The following AKT3 variants were observed in gnomAD, a reference collection of about 807,000 sequenced individuals.
AKT3 encodes the protein AKT serine/threonine kinase 3, also known as RAC-gamma serine/threonine-protein kinase.
In AKT3, 15 loss-of-function variants were observed where a neutral mutation model predicts 65.3. That is an observed-to-expected ratio of 0.23 (90% confidence interval 0.15 to 0.35). AKT3 has a LOEUF of 0.35. Among genes scored for constraint, AKT3 ranks in the 10% least tolerant of loss-of-function variants. The pLI, the probability that AKT3 is intolerant of heterozygous loss-of-function variation, is 1.00. For synonymous variants in AKT3, 206 were observed against 183.8 expected (o/e 1.12, Z -0.98); for missense variants, 243 against 576.5 (o/e 0.42, Z 5.92).
intron 4 of AKT3, among the ~76,000 whole-genome samples, chr1:243,652,137 C>T (rs1462635359): frequency 6.6e-6 from 1 of 151,332 alleles, no homozygotes; most frequent in Non-Finnish European, 1.5e-5. Context: ...CAACCTCTGC[C>T]TCCTGGGTTC....
intron 2 of AKT3, among the ~76,000 whole-genome samples, chr1:243,747,254 C>T (rs1041505461): frequency 6.6e-6 from 1 of 151,946 alleles, no homozygotes; most frequent in Non-Finnish European, 1.5e-5. Flanking sequence ...CGTAAAACTG[C>T]AAAGAAATGA....
At chr1:243,723,712 C>T (rs1156397232) in intron 2 of AKT3, among the ~76,000 whole-genome samples, 1 of 151,984 alleles carries the variant, frequency 6.6e-6, no homozygotes, top group Non-Finnish European at 1.5e-5. Flanking sequence ...GGCTTGAGGA[C>T]ATCATATGAG....
chr1:243,815,074 T>C (rs1693420229), intron 2 of AKT3, among the ~76,000 whole-genome samples: 1 of 152,208 alleles, frequency 6.6e-6, no homozygotes, highest in Non-Finnish European at 1.5e-5. Context: ...CCCATGAGGG[T>C]CCTAGATTGG....
chr1:243,611,790 T>C (rs935033635), intron 8 of AKT3, among the ~76,000 whole-genome samples: 7 of 152,210 alleles, frequency 4.6e-5, no homozygotes, highest in African/African-American at 1.7e-4. Context: ...TGGGTTATTA[T>C]TATTTAATTA....
rs369390195 is a variant in AKT3, at chr1:243,661,463, C to T, written c.284+3309G>A. On this transcript the variant is annotated intron_variant, in intron 4 of 13. Transcript: ENST00000673466. Reference sequence around the variant, plus strand: ...AAAACAAGCAATGGGGAAAGGATTCCCTATTTAATAAATGGTGCTGGGAAA... The same window carrying T: ...AAAACAAGCAATGGGGAAAGGATTCTCTATTTAATAAATGGTGCTGGGAAA... 4.6e-4 allele frequency among the ~76,000 whole-genome samples: 70 copies of T among 151,500 alleles called. No individual in the cohort carries two copies. In the East Asian group the frequency reaches 8.4e-3, roughly 18 times the overall value.
chr1:243,845,202 G>C (rs1279936575), intron 1 of AKT3, among the ~76,000 whole-genome samples: 1 of 151,750 alleles, frequency 6.6e-6, no homozygotes. Context: ...TGACTAAATA[G>C]CCTGACAAAA....
chr1:243,624,308 G>C (rs1678989492), intron 6 of AKT3, among the ~76,000 whole-genome samples: 2 of 152,130 alleles, frequency 1.3e-5, no homozygotes, highest in Admixed American at 1.3e-4. Context: ...TAGATCACTG[G>C]ATACATAAAG....
At chr1:243,811,864 A>G (rs1184773144) in intron 2 of AKT3, among the ~76,000 whole-genome samples, 3 of 152,160 alleles carry the variant, frequency 2.0e-5, no homozygotes, top group South Asian at 4.1e-4. Flanking sequence ...CAGAAATAAT[A>G]CCACACGTCT....
chr1:243,575,072 A>G (rs2148512116), intron 8 of AKT3, among the ~76,000 whole-genome samples: 1 of 152,174 alleles, frequency 6.6e-6, no homozygotes, highest in East Asian at 1.9e-4. Context: ...GTGTACCCTT[A>G]CTACTTTATG....
intron 8 of AKT3, among the ~76,000 whole-genome samples, chr1:243,604,864 T>A (rs1488402773): frequency 6.6e-6 from 1 of 152,228 alleles, no homozygotes; most frequent in African/African-American, 2.4e-5. Flanking sequence ...TGAATGATAA[T>A]GTACTAGATT....
At chr1:243,608,724 A>G (rs1342836597) in intron 8 of AKT3, among the ~76,000 whole-genome samples, 1 of 144,796 alleles carries the variant, frequency 6.9e-6, no homozygotes, top group Non-Finnish European at 1.5e-5. Flanking sequence ...TACTTTTTCT[A>G]CAGTAATTAA....
chr1:243,689,296 T>C (rs1394893534), intron 3 of AKT3, among the ~76,000 whole-genome samples: 2 of 152,116 alleles, frequency 1.3e-5, no homozygotes, highest in Non-Finnish European at 2.9e-5. Context: ...AGTATATATT[T>C]ACATAGTCTG....
downstream of AKT3, among the ~76,000 whole-genome samples, chr1:243,497,901 C>T (rs905828714): frequency 1.2e-4 from 19 of 152,130 alleles, no homozygotes; most frequent in Non-Finnish European, 2.2e-4. Context: ...AGGCTGGTCT[C>T]GAACTCCTGG....
chr1:243,718,582 C>T (rs1424736273), intron 2 of AKT3, among the ~76,000 whole-genome samples: 2 of 151,928 alleles, frequency 1.3e-5, no homozygotes, highest in African/African-American at 2.4e-5. Context: ...CCCGAGGCTG[C>T]TACCCTTACA....
chr1:243,709,679 T>C (rs1194712577), intron 2 of AKT3, among the ~76,000 whole-genome samples: 3 of 152,028 alleles, frequency 2.0e-5, no homozygotes, highest in Non-Finnish European at 4.4e-5. Flanking sequence ...CAGTTGAACA[T>C]ACTACAAATT....
chr1:243,843,465 G>A, intron 1 of AKT3, 183 bp from the exon 2 acceptor site: 1 of 1,082,190 alleles, frequency 9.2e-7, no homozygotes, highest in Non-Finnish European at 1.1e-6. Flanking sequence ...CTAGTCTTGT[G>A]ACCAATTTCA....
chr1:243,738,482 T>G (rs1437688994), intron 2 of AKT3, among the ~76,000 whole-genome samples: 1 of 152,154 alleles, frequency 6.6e-6, no homozygotes, highest in Non-Finnish European at 1.5e-5. Flanking sequence ...TTTAGGGAGG[T>G]GTCTAGTAAA....
Position 243,550,908 on chromosome 1 carries a change from G to A in AKT3, c.1163+1821C>T, listed in dbSNP as rs551091657. On this transcript the variant is annotated intron_variant, in intron 11 of 13. Coordinates refer to ENST00000673466, the MANE Select transcript of AKT3 (RefSeq NM_005465.7). ...CAGGAGGCGGAGGTTGCAGTGGGCC[G>A]AGATTGCGCCACTGCACTCCAGCCC... is the stretch of plus-strand genomic sequence containing the variant. Among the ~76,000 whole-genome samples, 15 of 126,824 alleles carry A rather than the reference G, an allele frequency of 1.2e-4. No homozygotes were observed. The South Asian group carries it at 1.4e-3, about 11-fold the overall frequency. 83.2% of individuals were successfully genotyped at this position (126,824 alleles called of 152,430 possible).
At chr1:243,799,107 T>G (rs890242820) in intron 2 of AKT3, among the ~76,000 whole-genome samples, 14 of 152,192 alleles carry the variant, frequency 9.2e-5, no homozygotes, top group African/African-American at 3.4e-4. Flanking sequence ...TCATTTATCT[T>G]TACATCCTTG....
Sources: allele counts gnomAD v4.1 joint callset (sites outside exome capture counted in the v4.1 genomes callset), GRCh38; gene constraint gnomAD v4.1.1; transcripts MANE v1.5; gene names NCBI Gene and HGNC (gene_info 2026-07-23, HGNC 2026-07-21).